ARHGAP39: variants seen among roughly 807,000 people sequenced by gnomAD.
The protein encoded by ARHGAP39 is Rho GTPase activating protein 39.
Under a neutral mutation model 106.9 loss-of-function variants are expected in ARHGAP39, and 44 were observed. The ratio of observed to expected loss-of-function variants is 0.41; its 90% CI spans 0.32 to 0.53. ARHGAP39 has a LOEUF of 0.53. Among genes scored for constraint, ARHGAP39 ranks in the 20% least tolerant of loss-of-function variants. The pLI is 0.21. For synonymous variants in ARHGAP39, 768 were observed against 693.2 expected (o/e 1.11, Z -1.69); for missense variants, 1,496 against 1,577.3 (o/e 0.95, Z 0.87).
intron 1 of ARHGAP39, among the ~76,000 whole-genome samples, chr8:144,657,641 A>G (rs191438142): frequency 4.7e-4 from 72 of 152,362 alleles, no homozygotes; most frequent in African/African-American, 1.7e-3. Flanking sequence ...TAACACAATC[A>G]TATCCAAGTG....
chr8:144,623,187 C>T (rs987840236), intron 1 of ARHGAP39, among the ~76,000 whole-genome samples: 6 of 152,152 alleles, frequency 3.9e-5, no homozygotes, highest in African/African-American at 1.4e-4. Context: ...ACATCCGAGG[C>T]AACCACTATG....
At chr8:144,601,961 GTTCA>G (rs1819992468) in intron 2 of ARHGAP39, among the ~76,000 whole-genome samples, 1 of 140,610 alleles carries the variant, frequency 7.1e-6, no homozygotes, top group Non-Finnish European at 1.5e-5. Context: ...GTGTACCTGT[GTTCA>G]TGTGCGTGGA....
intron 1 of ARHGAP39, among the ~76,000 whole-genome samples, chr8:144,607,847 C>G (rs777856467): frequency 6.6e-6 from 1 of 152,128 alleles, no homozygotes; most frequent in Non-Finnish European, 1.5e-5. Context: ...GGGACTGCTA[C>G]GAATGCTATT....
At chr8:144,534,424 G>A in intron 7 of ARHGAP39, among the ~76,000 whole-genome samples, 1 of 152,202 alleles carries the variant, frequency 6.6e-6, no homozygotes, top group South Asian at 2.1e-4. Context: ...ACAGGCTTGG[G>A]AGGAACCGCC....
Position 144,530,825 on chromosome 8 carries a change from G to T in ARHGAP39, c.3027C>A (p.Ile1009=), listed in dbSNP as rs1816668112. 1.2e-6 allele frequency: 2 copies of T among 1,611,500 alleles called. No homozygotes were observed. Among genetic ancestry groups the T allele is most frequent in the African/African-American group, 1.3e-5 (1 of 74,912 alleles). ...TGCACTGCTCGTAGAACTCGTGCGG[G>T]ATCAGGGGCTCCTCCAGCTCCCGGT... ...LWYRELEEPL[I]PHEFYEQCIA... The change falls in exon 11 of 12, where the codon ATC becomes ATA. Residue 1009 remains isoleucine (I), a synonymous_variant. Transcript: ENST00000377307.
Position 144,620,234 on chromosome 8 carries a change from C to T in ARHGAP39, c.-81-14539G>A, listed in dbSNP as rs544142613. 9.1e-5 allele frequency among the ~76,000 whole-genome samples: 13 copies of T among 142,564 alleles called. No homozygotes were observed. The South Asian group carries it at 3.0e-3, about 33-fold the overall frequency. The allele number at this position is 142,564 out of a possible 152,430, so 93.5% of individuals were successfully genotyped here. ...CTGTGTCCCTGAGAAAGTGTGTGTGCCCGTGTCTGTTAGCCTGTGTGTCCA... is the reference window on the plus strand; with the variant it reads ...CTGTGTCCCTGAGAAAGTGTGTGTGTCCGTGTCTGTTAGCCTGTGTGTCCA... On this transcript the variant is annotated intron_variant, in intron 1 of 11. Transcript: ENST00000377307.
chr8:144,597,183 G>A (rs2130923975), intron 2 of ARHGAP39, among the ~76,000 whole-genome samples: 1 of 152,304 alleles, frequency 6.6e-6, no homozygotes, highest in Admixed American at 6.5e-5. Context: ...CTGTAACGAG[G>A]GCTCACAACA....
At chr8:144,666,229 T>C (rs1821960244) in intron 1 of ARHGAP39, among the ~76,000 whole-genome samples, 1 of 152,206 alleles carries the variant, frequency 6.6e-6, no homozygotes, top group South Asian at 2.1e-4. Context: ...CCCCATTGTA[T>C]CTTGGAATTA....
At chr8:144,620,864 G>A (rs113310602) in intron 1 of ARHGAP39, among the ~76,000 whole-genome samples, 2,182 of 152,358 alleles carry the variant, frequency 0.014, 42 homozygotes, top group African/African-American at 0.048. Flanking sequence ...GGAATCCCTG[G>A]GGCCAAGCTC....
At chr8:144,558,528 G>C (rs766931310) in intron 3 of ARHGAP39, among the ~76,000 whole-genome samples, 2 of 151,942 alleles carry the variant, frequency 1.3e-5, no homozygotes, top group Non-Finnish European at 2.9e-5. Flanking sequence ...CCTGACATCA[G>C]GTGATCCACC....
At chr8:144,534,257 G>C in intron 7 of ARHGAP39, 55 bp from the exon 8 acceptor site, 1 of 1,596,272 alleles carries the variant, frequency 6.3e-7, no homozygotes, top group Non-Finnish European at 8.6e-7. Flanking sequence ...TGTGGGGCCA[G>C]GAGAGGGGTG....
intron 8 of ARHGAP39, 33 bp downstream of exon 8, chr8:144,534,096 C>T (rs1183536622): frequency 6.2e-7 from 1 of 1,610,116 alleles, no homozygotes; most frequent in East Asian, 2.2e-5. Context: ...GTGTCCCCGC[C>T]TGCCCTCCCC....
chr8:144,557,665 G>T (rs1325709534), intron 3 of ARHGAP39, among the ~76,000 whole-genome samples: 1 of 145,824 alleles, frequency 6.9e-6, no homozygotes, highest in East Asian at 2.1e-4. Context: ...AGTATTCAGA[G>T]GCAAAGCCTG....
In ARHGAP39 at chr8:144,530,724, C is replaced by T. The variant is rs771986069; in HGVS notation, c.3128G>A (p.Cys1043Tyr). 1 of 1,608,156 alleles carries T rather than the reference C, an allele frequency of 6.2e-7. No homozygotes were observed. The highest frequency in any genetic ancestry group is 1.1e-5 in the South Asian group (1 of 90,506). Residue 1043 changes from cysteine (C) to tyrosine (Y), a missense_variant, in exon 11 of 12, where the codon TGC becomes TAC. Transcript: ENST00000377307. Reference protein sequence around the residue: ...ALPRINRMVLCYLIRFLQVFV... With the variant: ...ALPRINRMVLYYLIRFLQVFV... ...TACCTGCAGGAAGCGGATGAGGTAG[C>T]ACAGCACCATGCGGTTGATGCGGGG...
At chr8:144,689,692 G>A (rs1324533025), upstream of ARHGAP39, among the ~76,000 whole-genome samples, 1 of 150,020 alleles carries the variant, frequency 6.7e-6, no homozygotes, top group Non-Finnish European at 1.5e-5. Flanking sequence ...TGCCCACCTC[G>A]GCCTCCCAAA....
At chr8:144,658,284 T>C (rs1414292848) in intron 1 of ARHGAP39, among the ~76,000 whole-genome samples, 1 of 151,928 alleles carries the variant, frequency 6.6e-6, no homozygotes, top group African/African-American at 2.4e-5. Context: ...TAATTTTTTT[T>C]TTTTTTTGAG....
In ARHGAP39 at chr8:144,530,054, G is replaced by A. The variant is rs1816609970; in HGVS notation, c.*368C>T. On this transcript the variant is annotated 3_prime_UTR_variant, in exon 12 of 12. Coordinates refer to ENST00000377307, the MANE Select transcript of ARHGAP39 (RefSeq NM_025251.3). Reference sequence around the variant, plus strand: ...AGGAGAGACCGGGGCGGCTGGGCAAGGCCCAGGCCAGGGCGCGCAGGAGCC... The same window carrying A: ...AGGAGAGACCGGGGCGGCTGGGCAAAGCCCAGGCCAGGGCGCGCAGGAGCC... 4.2e-6 allele frequency: 1 copy of A among 240,248 alleles called. No individual in the cohort carries two copies. Among genetic ancestry groups the A allele is most frequent in the Non-Finnish European group, 8.1e-6 (1 of 124,084 alleles). 14.9% of individuals were successfully genotyped at this position (240,248 alleles called of 1,614,324 possible).
intron 1 of ARHGAP39, among the ~76,000 whole-genome samples, chr8:144,674,636 C>T (rs928305512): frequency 2.0e-5 from 3 of 152,188 alleles, no homozygotes; most frequent in African/African-American, 7.2e-5. Context: ...CCCCTTTTCA[C>T]CCAGGAGCCT....
chr8:144,628,052 G>A (rs1008126374), intron 1 of ARHGAP39, among the ~76,000 whole-genome samples: 7 of 152,198 alleles, frequency 4.6e-5, no homozygotes, highest in South Asian at 4.1e-4. Context: ...CTGCACCTGC[G>A]GGAGAGCCAT....
Sources: allele counts gnomAD v4.1 joint callset (sites outside exome capture counted in the v4.1 genomes callset), GRCh38; gene constraint gnomAD v4.1.1; transcripts MANE v1.5; gene names NCBI Gene and HGNC (gene_info 2026-07-23, HGNC 2026-07-21).